PPP1R9A: variants seen among roughly 807,000 people sequenced by gnomAD.
PPP1R9A encodes neurabin-1.
Under a neutral mutation model 141.9 loss-of-function variants are expected in PPP1R9A, and 59 were observed. That is an observed-to-expected ratio of 0.42 (90% confidence interval 0.34 to 0.52). The LOEUF (loss-of-function observed/expected upper bound fraction) is 0.52, where lower values mean the gene tolerates loss of function less well. Among genes scored for constraint, PPP1R9A ranks in the 20% least tolerant of loss-of-function variants. The pLI is 0.10. For missense variants in PPP1R9A, 1,444 were observed against 1,611.9 expected, an observed-to-expected ratio of 0.90 and a Z score of 1.78; for synonymous variants, 500 against 569.7, an observed-to-expected ratio of 0.88 and a Z score of 1.74.
intron 7 of PPP1R9A, among the ~76,000 whole-genome samples, chr7:95,205,600 G>A (rs965227673): frequency 6.6e-6 from 1 of 152,172 alleles, no homozygotes; most frequent in African/African-American, 2.4e-5. Flanking sequence ...AGGGGCCATC[G>A]GGATCCCCTG....
At chr7:94,955,405 A>G (rs910652203) in intron 2 of PPP1R9A, among the ~76,000 whole-genome samples, 2 of 152,176 alleles carry the variant, frequency 1.3e-5, no homozygotes, top group African/African-American at 4.8e-5. Context: ...ATGGATAATC[A>G]AGAATAACCT....
chr7:95,116,246 G>A (rs1256167901), intron 3 of PPP1R9A, among the ~76,000 whole-genome samples: 1 of 151,986 alleles, frequency 6.6e-6, no homozygotes, highest in East Asian at 1.9e-4. Context: ...AATTTGTAAT[G>A]CCCTTTAAAT....
At chr7:95,266,444 C>A (rs186693160) in intron 12 of PPP1R9A, among the ~76,000 whole-genome samples, 111 of 151,850 alleles carry the variant, frequency 7.3e-4, no homozygotes, top group African/African-American at 2.6e-3. Flanking sequence ...ATTTTATAAC[C>A]CAAAACACCA....
chr7:95,268,476 T>G, intron 12 of PPP1R9A, 74 bp from the exon 13 acceptor site: 2 of 1,533,774 alleles, frequency 1.3e-6, no homozygotes, highest in Non-Finnish European at 1.8e-6. Flanking sequence ...CCTTGAGATT[T>G]TATCAGTGTC....
chr7:95,186,060 A>G (rs560281043), intron 5 of PPP1R9A, among the ~76,000 whole-genome samples: 2 of 152,072 alleles, frequency 1.3e-5, no homozygotes, highest in East Asian at 3.9e-4. Flanking sequence ...AGTTCTGTGA[A>G]GAATGATGAT....
At chr7:95,172,147 T>G (rs1272301333) in intron 5 of PPP1R9A, among the ~76,000 whole-genome samples, 6 of 151,592 alleles carry the variant, frequency 4.0e-5, no homozygotes, top group African/African-American at 1.2e-4. Context: ...CTAATAACAT[T>G]CTTAATGGTG....
At chr7:95,181,445 C>CAT (rs199804870) in intron 5 of PPP1R9A, among the ~76,000 whole-genome samples, 14,351 of 123,674 alleles carry the variant, frequency 0.12, 1,440 homozygotes, top group African/African-American at 0.19. Flanking sequence ...TATATTCCAT[C>CAT]ATATATATAG....
At chr7:95,083,054 C>T (rs895947222) in intron 2 of PPP1R9A, among the ~76,000 whole-genome samples, 1 of 151,862 alleles carries the variant, frequency 6.6e-6, no homozygotes, top group African/African-American at 2.4e-5. Context: ...TGCGCCCAGC[C>T]GGGATTTCTT....
At chr7:95,072,865 T>C (rs1315311562) in intron 2 of PPP1R9A, among the ~76,000 whole-genome samples, 1 of 113,174 alleles carries the variant, frequency 8.8e-6, no homozygotes, top group Non-Finnish European at 1.7e-5. Context: ...AGTTATATAA[T>C]ATAATATAAT....
chr7:95,128,192 T>C (rs1292653573), intron 4 of PPP1R9A, among the ~76,000 whole-genome samples: 1 of 152,202 alleles, frequency 6.6e-6, no homozygotes, highest in African/African-American at 2.4e-5. Flanking sequence ...TTTGACTTTT[T>C]AATAATAGCC....
At chr7:95,115,736 T>G (rs1156706556) in intron 3 of PPP1R9A, among the ~76,000 whole-genome samples, 1 of 151,686 alleles carries the variant, frequency 6.6e-6, no homozygotes, top group African/African-American at 2.4e-5. Context: ...GGCTAACACA[T>G]GAAACCTCAT....
intron 2 of PPP1R9A, among the ~76,000 whole-genome samples, chr7:94,960,125 G>A (rs917759909): frequency 6.0e-5 from 9 of 149,238 alleles, no homozygotes; most frequent in Non-Finnish European, 1.2e-4. Context: ...TTTTCACCAA[G>A]CTTTAAAGAT....
At chr7:94,925,779 TC>T (rs924389798) in intron 2 of PPP1R9A, among the ~76,000 whole-genome samples, 36 of 151,758 alleles carry the variant, frequency 2.4e-4, no homozygotes, top group Non-Finnish European at 4.1e-4. Context: ...CTTCCTCTTC[TC>T]CCCCTCCCCC....
chr7:94,963,157 A>G (rs1012514959), intron 2 of PPP1R9A, among the ~76,000 whole-genome samples: 5 of 152,162 alleles, frequency 3.3e-5, no homozygotes, highest in Non-Finnish European at 5.9e-5. Flanking sequence ...TATATTTAAT[A>G]TGGAAACTTC....
At chr7:95,023,099 G>T (rs1384251092) in intron 2 of PPP1R9A, among the ~76,000 whole-genome samples, 1 of 152,072 alleles carries the variant, frequency 6.6e-6, no homozygotes, top group South Asian at 2.1e-4. Flanking sequence ...CTGTGATTCT[G>T]TCTGGTCCTG....
chr7:95,069,072 G>A (rs1465202586), intron 2 of PPP1R9A, among the ~76,000 whole-genome samples: 2 of 152,154 alleles, frequency 1.3e-5, no homozygotes, highest in African/African-American at 4.8e-5. Context: ...TGTAAATGCT[G>A]TGTAAATAGT....
intron 19 of PPP1R9A, 112 bp from the exon 20 acceptor site, chr7:95,289,979 C>T: frequency 6.7e-7 from 1 of 1,490,778 alleles, no homozygotes; most frequent in Non-Finnish European, 8.9e-7. Context: ...TTCCTCTGTT[C>T]TTACCTCTTC....
intron 2 of PPP1R9A, among the ~76,000 whole-genome samples, chr7:94,995,508 T>C (rs148638837): frequency 7.9e-4 from 120 of 152,100 alleles, no homozygotes; most frequent in African/African-American, 2.8e-3. Flanking sequence ...AAATTTTTTT[T>C]TCCTGTGTGT....
intron 12 of PPP1R9A, among the ~76,000 whole-genome samples, chr7:95,254,224 C>T (rs193146617): frequency 6.6e-6 from 1 of 152,288 alleles, no homozygotes; most frequent in African/African-American, 2.4e-5. Context: ...ACATTAGTAG[C>T]ATACATATCA....
Sources: allele counts gnomAD v4.1 joint callset (sites outside exome capture counted in the v4.1 genomes callset), GRCh38; gene constraint gnomAD v4.1.1; transcripts MANE v1.5; gene names NCBI Gene and HGNC (gene_info 2026-07-23, HGNC 2026-07-21).